The following GALR1 variants were observed in gnomAD, a reference collection of about 807,000 sequenced individuals.
GALR1 encodes galanin receptor 1, also known as galanin receptor type 1.
Under a neutral mutation model 17.9 loss-of-function variants are expected in GALR1, and 11 were observed. The observed-to-expected ratio is 0.62, with a 90% CI of 0.39 to 1.02. The LOEUF (loss-of-function observed/expected upper bound fraction) is 1.02, where lower values mean the gene tolerates loss of function less well. Ranked by LOEUF, GALR1 falls within the 50% of genes least tolerant of loss-of-function variation. The pLI, the probability that GALR1 is intolerant of heterozygous loss-of-function variation, is 0.01. For missense variants in GALR1, 441 were observed against 456.9 expected (o/e 0.97, Z 0.32); for synonymous variants, 206 against 205.7 (o/e 1.00, Z -0.01).
rs1040896157 is a variant in GALR1 at position 77,275,517 on chromosome 18, G to A, written c.*6615G>A. 1 of 152,244 alleles carries A rather than the reference G, an allele frequency of 6.6e-6. No individual in the cohort carries two copies. The highest frequency in any genetic ancestry group is 1.9e-4 in the East Asian group (1 of 5,196). 9.4% of individuals were successfully genotyped at this position (152,244 alleles called of 1,614,324 possible). On this transcript the variant is annotated 3_prime_UTR_variant, in exon 3 of 3. Transcript: ENST00000299727. ...CAACTCTGAGTGAAAGACACGATCAGCGTGATAGACAGGTGTCTTGCTATG... is the reference window on the plus strand; with the variant it reads ...CAACTCTGAGTGAAAGACACGATCAACGTGATAGACAGGTGTCTTGCTATG...
In GALR1 at chr18:77,251,222, C is replaced by T. The variant is rs780405587; in HGVS notation, c.666+8C>T. On this transcript the variant is annotated splice_region_variant and intron_variant, in intron 1 of 2. Coordinates refer to ENST00000299727, the MANE Select transcript of GALR1 (RefSeq NM_001480.4). ...TGCTTCTGCTATGCCAAGGTGCACGCCGGTCGCGGGGCCGAGACGCGCGAG... is the reference window on the plus strand; with the variant it reads ...TGCTTCTGCTATGCCAAGGTGCACGTCGGTCGCGGGGCCGAGACGCGCGAG... 20 of 1,588,744 alleles carry T rather than the reference C, an allele frequency of 1.3e-5. No individual in the cohort carries two copies. The highest frequency in any genetic ancestry group is 1.4e-5 in the Non-Finnish European group (16 of 1,161,500).
At chr18:77,266,994 ATG>A (rs1365228422) in intron 2 of GALR1, among the ~76,000 whole-genome samples, 1 of 152,196 alleles carries the variant, frequency 6.6e-6, no homozygotes, top group African/African-American at 2.4e-5. Context: ...AGCCTGGACT[ATG>A]TCTGAGAGAA....
chr18:77,265,809 T>C (rs1204419484), intron 2 of GALR1, among the ~76,000 whole-genome samples: 1 of 152,148 alleles, frequency 6.6e-6, no homozygotes, highest in African/African-American at 2.4e-5. Context: ...TGGCCCCTAT[T>C]AGCCACAGCT....
Position 77,249,876 on chromosome 18 carries a change from G to A in GALR1, c.-673G>A, listed in dbSNP as rs1014047721. 1.7e-4 allele frequency among the ~76,000 whole-genome samples: 26 copies of A among 152,344 alleles called. No homozygotes were observed. Among genetic ancestry groups the A allele is most frequent in the African/African-American group, 5.5e-4 (23 of 41,590 alleles). On this transcript the variant is annotated 5_prime_UTR_variant, in exon 1 of 3. Coordinates refer to ENST00000299727, the MANE Select transcript of GALR1 (RefSeq NM_001480.4). ...TTCGCCTCTCAGTTGCAGCAGAGAA[G>A]CCCCTGGCACCCGACTCTATCCACC... is the stretch of plus-strand genomic sequence containing the variant.
At chr18:77,267,309 C>T (rs1178107272) in intron 2 of GALR1, among the ~76,000 whole-genome samples, 2 of 152,222 alleles carry the variant, frequency 1.3e-5, no homozygotes, top group African/African-American at 2.4e-5. Context: ...TGCAGCTCAG[C>T]TGCCCAGTGC....
intron 2 of GALR1, among the ~76,000 whole-genome samples, chr18:77,267,682 A>G (rs1264153319): frequency 1.3e-5 from 2 of 152,230 alleles, no homozygotes; most frequent in Non-Finnish European, 2.9e-5. Context: ...AATAAATTGG[A>G]TCATTGCCTT....
chr18:77,274,927 G>A lies in GALR1; in HGVS notation c.*6025G>A, dbSNP rs564883336. 22 of 152,326 alleles carry A rather than the reference G, an allele frequency of 1.4e-4. No individual in the cohort carries two copies. Among genetic ancestry groups the A allele is most frequent in the African/African-American group, 4.8e-4 (20 of 41,568 alleles). The allele number at this position is 152,326 out of a possible 1,614,324, so 9.4% of individuals were successfully genotyped here. On this transcript the variant is annotated 3_prime_UTR_variant, in exon 3 of 3. Transcript: ENST00000299727. Reference sequence around the variant, plus strand: ...TTGAGATCTTCCAGTTTCTGTGAATGTTGAGGGGTTCACAAAGTGGCTTGG... The same window carrying A: ...TTGAGATCTTCCAGTTTCTGTGAATATTGAGGGGTTCACAAAGTGGCTTGG...
In GALR1 at chr18:77,268,844, C is replaced by A. The variant is rs774695515; in HGVS notation, c.992C>A (p.Thr331Asn). Residue 331 changes from threonine (T) to asparagine (N), a missense_variant, in exon 3 of 3, where the codon ACT becomes AAT. Thr to Asn is a moderately conservative substitution (Grantham distance 65). Coordinates refer to ENST00000299727, the MANE Select transcript of GALR1 (RefSeq NM_001480.4). Reference sequence around the variant, plus strand: ...CGCAAAGATTCACACCTGAGTGATACTAAAGAAAGTAAAAGTCGAATAGAC... The same window carrying A: ...CGCAAAGATTCACACCTGAGTGATAATAAAGAAAGTAAAAGTCGAATAGAC... ...HIRKDSHLSDTKESKSRIDTP... is the reference protein window; with the variant it reads ...HIRKDSHLSDNKESKSRIDTP... The A allele has an allele frequency of 3.1e-6, 5 of 1,613,612 alleles. No homozygotes were observed. In the East Asian group the frequency reaches 8.9e-5, roughly 29 times the overall value.
chr18:77,252,426 A>G (rs1912439746), intron 1 of GALR1, among the ~76,000 whole-genome samples: 1 of 152,218 alleles, frequency 6.6e-6, no homozygotes, highest in South Asian at 2.1e-4. Context: ...AACAACTATC[A>G]CTTTTAATAC....
At chr18:77,255,563 C>T (rs1912568293) in intron 1 of GALR1, among the ~76,000 whole-genome samples, 1 of 152,170 alleles carries the variant, frequency 6.6e-6, no homozygotes, top group Non-Finnish European at 1.5e-5. Context: ...CGGAGAATTG[C>T]AGTGGAGGCA....
At chr18:77,267,084 A>G (rs763622253) in intron 2 of GALR1, among the ~76,000 whole-genome samples, 1 of 152,194 alleles carries the variant, frequency 6.6e-6, no homozygotes, top group Non-Finnish European at 1.5e-5. Context: ...CTTTTTTCCT[A>G]TGAGAAGTAA....
chr18:77,252,741 C>T (rs113464877), intron 1 of GALR1, among the ~76,000 whole-genome samples: 13,142 of 151,570 alleles, frequency 0.087, 980 homozygotes, highest in East Asian at 0.19. Flanking sequence ...CCAGCTACTC[C>T]GGAGGCTGAG....
intron 1 of GALR1, 87 bp downstream of exon 1, chr18:77,251,301 C>T (rs1912411339): frequency 2.0e-6 from 3 of 1,502,640 alleles, no homozygotes; most frequent in Non-Finnish European, 8.8e-7. Context: ...GCGGCCCTGC[C>T]GGAGCCTTGG....
chr18:77,252,896 T>TCACCACCATCAC (rs1568139005), intron 1 of GALR1, among the ~76,000 whole-genome samples: 30 of 78,214 alleles, frequency 3.8e-4, no homozygotes, highest in Non-Finnish European at 5.7e-4. Flanking sequence ...ACCACCACCA[T>TCACCACCATCAC]CACCACCACC....
intron 2 of GALR1, among the ~76,000 whole-genome samples, chr18:77,259,016 TGTTGGTGTTGG>T (rs1912722440): frequency 4.7e-5 from 1 of 21,204 alleles, no homozygotes; most frequent in Non-Finnish European, 1.4e-4. Flanking sequence ...GTGGTGGTGG[TGTTGGTGTTGG>T]TGGTGGTCAT....
rs1460393627 is a variant in GALR1, at chr18:77,250,756, A to G, written c.208A>G (p.Thr70Ala). 5.6e-6 allele frequency: 9 copies of G among 1,613,782 alleles called. No individual in the cohort carries two copies. The highest frequency in any genetic ancestry group is 6.8e-6 in the Non-Finnish European group (8 of 1,179,988). ...RSKPGKPRST[T>A]NLFILNLSIA... The stretch of plus-strand genomic sequence containing the variant: ...CAAGCCGGGCAAGCCGCGGAGCACC[A>G]CCAACCTGTTCATCCTCAACCTGAG... Residue 70 changes from threonine to alanine, a missense_variant, in exon 1 of 3, where the codon ACC becomes GCC. By Grantham distance (58) the Thr-to-Ala change is moderately conservative. Transcript: ENST00000299727.
rs887693783 is a variant in GALR1, at chr18:77,270,581, A to C, written c.*1679A>C. On this transcript the variant is annotated 3_prime_UTR_variant, in exon 3 of 3. Transcript: ENST00000299727. ...GTGTGTGTAATGTACCTCTGTGCCA[A>C]ATCAGCACTCCACATGAAACATCAA... 1 of 150,942 alleles carries C rather than the reference A, an allele frequency of 6.6e-6. No homozygotes were observed. Among genetic ancestry groups the C allele is most frequent in the Non-Finnish European group, 1.5e-5 (1 of 67,768 alleles). The allele number at this position is 150,942 out of a possible 1,614,324, so 9.4% of individuals were successfully genotyped here.
At chr18:77,266,501 A>T (rs1912946055) in intron 2 of GALR1, among the ~76,000 whole-genome samples, 1 of 152,188 alleles carries the variant, frequency 6.6e-6, no homozygotes, top group Admixed American at 6.5e-5. Flanking sequence ...ATTTTTGAGT[A>T]TCTTTACAGC....
Position 77,276,938 on chromosome 18 carries a change from A to G in GALR1, c.*8036A>G, listed in dbSNP as rs1203968901. On this transcript the variant is annotated 3_prime_UTR_variant, in exon 3 of 3. Coordinates refer to ENST00000299727, the MANE Select transcript of GALR1 (RefSeq NM_001480.4). ...TTTTGCCTCAAAAAAATAAAATAAA[A>G]TAGCTTGGTGGAAAAGAGCACCTAT... 1 of 152,216 alleles carries G rather than the reference A, an allele frequency of 6.6e-6. No individual in the cohort carries two copies. Among genetic ancestry groups the G allele is most frequent in the African/African-American group, 2.4e-5 (1 of 41,454 alleles). The allele number at this position is 152,216 out of a possible 1,614,324, so 9.4% of individuals were successfully genotyped here.
Sources: gnomAD v4.1 joint callset for allele counts (sites outside exome capture counted in the v4.1 genomes callset) on GRCh38, gnomAD v4.1.1 for gene constraint, MANE v1.5 for transcripts, NCBI Gene and HGNC (gene_info 2026-07-23, HGNC 2026-07-21) for gene names.